The following RTN3 variants were observed in gnomAD, a reference collection of about 807,000 sequenced individuals.
The protein encoded by RTN3 is reticulon 3, also known as reticulon-3.
In RTN3, 49 loss-of-function variants were observed where a neutral mutation model predicts 77.8. That is an observed-to-expected ratio of 0.63 (90% CI 0.50 to 0.80). RTN3 has a LOEUF of 0.80. RTN3 is among the 30% of genes least tolerant of loss of function. The pLI is 0.00. For synonymous variants in RTN3, 464 were observed against 446.9 expected, an observed-to-expected ratio of 1.04 and a Z score of -0.48; for missense variants, 1,236 against 1,211.9, an observed-to-expected ratio of 1.02 and a Z score of -0.29.
rs753815970 is a variant in RTN3 at position 63,681,701 on chromosome 11, C to A, written c.65C>A (p.Pro22Gln). ...SISSSSFGAE[P>Q]SAPGGGGSPG... Reference sequence around the variant, plus strand: ...TCCTCGTCGTCCTTCGGAGCCGAGCCGTCCGCGCCCGGCGGCGGCGGGAGC... The same window carrying A: ...TCCTCGTCGTCCTTCGGAGCCGAGCAGTCCGCGCCCGGCGGCGGCGGGAGC... The change falls in exon 1 of 9, where the codon CCG becomes CAG. Residue 22 changes from proline (P) to glutamine (Q), a missense_variant. Transcript: ENST00000377819. 1 of 1,611,124 alleles carries A rather than the reference C, an allele frequency of 6.2e-7. No individual in the cohort carries two copies. Among genetic ancestry groups the A allele is most frequent in the South Asian group, 1.1e-5 (1 of 90,912 alleles).
chr11:63,708,054 T>C (rs1278599930), intron 2 of RTN3, among the ~76,000 whole-genome samples: 2 of 152,180 alleles, frequency 1.3e-5, no homozygotes, highest in Non-Finnish European at 2.9e-5. Context: ...CCAAGACTGG[T>C]AGCTTCCAGT....
intron 3 of RTN3, among the ~76,000 whole-genome samples, chr11:63,740,631 A>G (rs572339340): frequency 6.6e-6 from 1 of 151,140 alleles, no homozygotes; most frequent in Admixed American, 6.6e-5. Context: ...GGGTCTCACT[A>G]TGTTGCCCAG....
At chr11:63,728,184 C>G (rs572779222) in intron 3 of RTN3, among the ~76,000 whole-genome samples, 1 of 152,136 alleles carries the variant, frequency 6.6e-6, no homozygotes, top group South Asian at 2.1e-4. Flanking sequence ...GTACTTAATT[C>G]TTTTACAGTG....
chr11:63,701,766 C>T (rs994996450), intron 1 of RTN3, among the ~76,000 whole-genome samples: 3 of 151,858 alleles, frequency 2.0e-5, no homozygotes, highest in African/African-American at 4.8e-5. Flanking sequence ...AGCAACATGG[C>T]GACACCTGTC....
chr11:63,721,242 C>T (rs180947651), intron 3 of RTN3, among the ~76,000 whole-genome samples: 1 of 152,228 alleles, frequency 6.6e-6, no homozygotes, highest in East Asian at 1.9e-4. Context: ...TTTCCCAAAG[C>T]AGTAGACCAC....
chr11:63,690,720 C>G (rs2134639312), intron 1 of RTN3, among the ~76,000 whole-genome samples: 1 of 152,356 alleles, frequency 6.6e-6, no homozygotes, highest in South Asian at 2.1e-4. Flanking sequence ...ACTTTCTAGT[C>G]AAGTTCACCA....
chr11:63,735,808 G>A (rs935778647), intron 3 of RTN3, among the ~76,000 whole-genome samples: 40 of 152,106 alleles, frequency 2.6e-4, no homozygotes, highest in African/African-American at 8.9e-4. Context: ...GGGATTACCA[G>A]TGTGAGCTAA....
intron 3 of RTN3, among the ~76,000 whole-genome samples, chr11:63,729,436 C>CT (rs1177025902): frequency 0.015 from 477 of 31,946 alleles, 23 homozygotes; most frequent in Middle Eastern, 0.067. Flanking sequence ...AAGGTTTCTG[C>CT]TTTTTTTTTT....
rs75778518 is a variant in RTN3 at position 63,683,284 on chromosome 11, A to C, written c.142+1506A>C. On this transcript the variant is annotated intron_variant, in intron 1 of 8. Coordinates refer to ENST00000377819, the MANE Select transcript of RTN3 (RefSeq NM_001265589.2). ...CTCCAAATTTTTGTGTTCTGGGCTA[A>C]GGTCCAGATGAACAGCGACTTCCTT... is the stretch of plus-strand genomic sequence containing the variant. Among the ~76,000 whole-genome samples, 539 of 152,338 alleles carry C rather than the reference A, an allele frequency of 3.5e-3. 4 individuals are homozygous for C. Among genetic ancestry groups the C allele is most frequent in the African/African-American group, 0.013 (520 of 41,566 alleles).
chr11:63,713,992 G>A, intron 2 of RTN3: 1 of 518,588 alleles, frequency 1.9e-6, no homozygotes, highest in South Asian at 1.4e-5. Flanking sequence ...GGCAACAGCA[G>A]TGACTACAAG....
intron 3 of RTN3, among the ~76,000 whole-genome samples, chr11:63,733,896 GAAAA>G (rs112000279): frequency 2.8e-5 from 4 of 143,104 alleles, no homozygotes; most frequent in African/African-American, 5.2e-5. Flanking sequence ...GCCTCAAAAA[GAAAA>G]AAAAACACCA....
intron 3 of RTN3, among the ~76,000 whole-genome samples, chr11:63,740,532 C>T (rs774686755): frequency 8.0e-5 from 12 of 149,554 alleles, no homozygotes; most frequent in Non-Finnish European, 1.3e-4. Flanking sequence ...CTCCTGACCT[C>T]GTGATCCATC....
chr11:63,724,734 G>A (rs1230120721), intron 3 of RTN3, among the ~76,000 whole-genome samples: 1 of 151,876 alleles, frequency 6.6e-6, no homozygotes, highest in Non-Finnish European at 1.5e-5. Context: ...CTCGTGATCC[G>A]CCCGCCTTGG....
rs983184816 is a variant in RTN3, at chr11:63,753,659, C to T, written c.2948-3C>T. ...TGCCATGTCCCATGATTCTGTCTTA[C>T]AGCTGAACTGCTCATTTTCAGTGTC... On this transcript the variant is annotated splice_region_variant and splice_polypyrimidine_tract_variant and intron_variant, in intron 6 of 8. Coordinates refer to ENST00000377819, the MANE Select transcript of RTN3 (RefSeq NM_001265589.2). The T allele has an allele frequency of 3.1e-6, 5 of 1,613,232 alleles. No individual in the cohort carries two copies. The highest frequency in any genetic ancestry group is 1.6e-4 in the Middle Eastern group (1 of 6,080).
At chr11:63,693,079 T>C (rs1196039806) in intron 1 of RTN3, among the ~76,000 whole-genome samples, 1 of 152,142 alleles carries the variant, frequency 6.6e-6, no homozygotes, top group Non-Finnish European at 1.5e-5. Flanking sequence ...CCAGCTTCCT[T>C]ATTGGTTTTG....
chr11:63,745,880 G>T (rs967923639), intron 3 of RTN3, among the ~76,000 whole-genome samples: 2 of 152,148 alleles, frequency 1.3e-5, no homozygotes, highest in Non-Finnish European at 2.9e-5. Flanking sequence ...GTGCGATCTC[G>T]GCTCACTGCC....
chr11:63,722,175 A>T (rs1276882742), intron 3 of RTN3, among the ~76,000 whole-genome samples: 1 of 152,178 alleles, frequency 6.6e-6, no homozygotes. Context: ...CAAGTTTTAC[A>T]TCTACTGTAT....
At chr11:63,729,707 A>T (rs903647012) in intron 3 of RTN3, among the ~76,000 whole-genome samples, 10 of 151,340 alleles carry the variant, frequency 6.6e-5, no homozygotes, top group Non-Finnish European at 8.8e-5. Context: ...TAATCCTCCC[A>T]CCTTGGTCTC....
intron 3 of RTN3, 152 bp downstream of exon 3, chr11:63,721,184 C>T (rs768175258): frequency 6.5e-5 from 42 of 647,650 alleles, no homozygotes; most frequent in African/African-American, 1.8e-5. Flanking sequence ...GATTCTTCTC[C>T]TGTCTTTTTT....
Sources: allele counts gnomAD v4.1 joint callset (sites outside exome capture counted in the v4.1 genomes callset), GRCh38; gene constraint gnomAD v4.1.1; transcripts MANE v1.5; gene names NCBI Gene and HGNC (gene_info 2026-07-23, HGNC 2026-07-21).